MAP2: variants seen among roughly 807,000 people sequenced by gnomAD.
The protein encoded by MAP2 is microtubule-associated protein 2.
A neutral mutation model predicts 137.6 loss-of-function variants in MAP2; 14 were observed. That is an observed-to-expected ratio of 0.10 (90% CI 0.07 to 0.16). The LOEUF (loss-of-function observed/expected upper bound fraction) is 0.16, where lower values mean the gene tolerates loss of function less well. MAP2 is among the 10% of genes least tolerant of loss of function. The probability of loss-of-function intolerance (pLI) is 1.00; values close to 1 mark genes in which losing one functional copy is unlikely to be tolerated. For synonymous variants in MAP2, 786 were observed against 782.3 expected (o/e 1.00, Z -0.08); for missense variants, 2,088 against 2,191.5 (o/e 0.95, Z 0.94).
Position 209,693,177 on chromosome 2 carries a change from A to G in MAP2, c.1007A>G (p.Glu336Gly), listed in dbSNP as rs1354981061. ...GTCATGAAGAATGAAATAGTTACAG[A>G]AACATCGCCCTTTGCCCCTGCCTTT... The part of the protein sequence containing the change: ...LDVMKNEIVT[E>G]TSPFAPAFLQ... Residue 336 changes from glutamate (E) to glycine (G), a missense_variant, in exon 8 of 16, where the codon GAA (glutamate) becomes GGA (glycine). This residue lies in a region of MAP2 where 859 missense variants were observed against 794.5 expected (regional missense o/e 1.08). Transcript: ENST00000682079. 6 of 1,610,664 alleles carry G rather than the reference A, an allele frequency of 3.7e-6. No individual in the cohort carries two copies. The East Asian group carries it at 1.3e-4, about 36-fold the overall frequency.
chr2:209,648,671 C>G (rs2094570510), intron 4 of MAP2, among the ~76,000 whole-genome samples: 1 of 146,600 alleles, frequency 6.8e-6, no homozygotes, highest in Non-Finnish European at 1.5e-5. Flanking sequence ...CACCTGTAAT[C>G]CCAGCTACTC....
rs2061130012 is a variant in MAP2, at chr2:209,699,341, A to G, written c.4523-936A>G. On this transcript the variant is annotated intron_variant, in intron 10 of 15. Transcript: ENST00000682079. ...GAACTTATTCAGAGGGCTTATAAGG[A>G]TACATTTTTTTTCTGAGGGTTTCTA... Among the ~76,000 whole-genome samples the G allele has an allele frequency of 1.3e-5, 2 of 148,824 alleles. 1 individual carries two copies. The highest frequency in any genetic ancestry group is 4.3e-4 in the South Asian group (2 of 4,674).
At chr2:209,705,504 A>G in intron 11 of MAP2, 76 bp from the exon 12 acceptor site, 4 of 1,315,446 alleles carry the variant, frequency 3.0e-6, no homozygotes, top group Non-Finnish European at 4.1e-6. Context: ...CAGGAGGAAA[A>G]TAGCAAAATC....
chr2:209,649,611 A>C (rs1056585326), intron 4 of MAP2, among the ~76,000 whole-genome samples: 6 of 152,270 alleles, frequency 3.9e-5, no homozygotes, highest in Admixed American at 2.6e-4. Flanking sequence ...CAATCTTTTC[A>C]AGTTATATTT....
At chr2:209,649,923 C>A (rs1257685878) in intron 4 of MAP2, among the ~76,000 whole-genome samples, 1 of 152,140 alleles carries the variant, frequency 6.6e-6, no homozygotes, top group Non-Finnish European at 1.5e-5. Flanking sequence ...TTTAAAAATT[C>A]AAAACTCTAA....
At chr2:209,526,197 T>C (rs192372170) in intron 2 of MAP2, among the ~76,000 whole-genome samples, 45 of 152,250 alleles carry the variant, frequency 3.0e-4, no homozygotes, top group African/African-American at 1.1e-3. Flanking sequence ...ACTTTTTTCA[T>C]AAGTCCTATT....
chr2:209,498,523 C>G (rs183535485), intron 1 of MAP2, among the ~76,000 whole-genome samples: 4 of 152,360 alleles, frequency 2.6e-5, no homozygotes, highest in African/African-American at 7.2e-5. Context: ...CCTCTTGGCA[C>G]TACCCTAGTA....
intron 11 of MAP2, among the ~76,000 whole-genome samples, chr2:209,702,891 C>G: frequency 6.6e-6 from 1 of 152,156 alleles, no homozygotes; most frequent in East Asian, 1.9e-4. Flanking sequence ...TCAGTTTTAT[C>G]TGTCATTTCT....
chr2:209,620,346 T>A (rs2090761713), intron 3 of MAP2, among the ~76,000 whole-genome samples: 1 of 152,218 alleles, frequency 6.6e-6, no homozygotes, highest in Non-Finnish European at 1.5e-5. Flanking sequence ...TCTTACTGTC[T>A]ACCTTACCCA....
At chr2:209,565,536 T>A (rs2153359965) in intron 2 of MAP2, among the ~76,000 whole-genome samples, 1 of 152,276 alleles carries the variant, frequency 6.6e-6, no homozygotes, top group Non-Finnish European at 1.5e-5. Context: ...TATCTATACA[T>A]TACAGATTGA....
chr2:209,598,825 A>G (rs1162739034), intron 3 of MAP2, among the ~76,000 whole-genome samples: 1 of 150,122 alleles, frequency 6.7e-6, no homozygotes, highest in Non-Finnish European at 1.5e-5. Flanking sequence ...TATGTGCCAC[A>G]TTTTCTTAAT....
intron 4 of MAP2, among the ~76,000 whole-genome samples, chr2:209,635,891 A>G (rs1049133171): frequency 1.3e-5 from 2 of 152,142 alleles, no homozygotes; most frequent in Non-Finnish European, 2.9e-5. Flanking sequence ...TCCTACAAGC[A>G]TGTAAGCAAA....
intron 1 of MAP2, among the ~76,000 whole-genome samples, chr2:209,469,129 C>T (rs1030760181): frequency 5.3e-5 from 8 of 152,142 alleles, no homozygotes; most frequent in African/African-American, 1.9e-4. Flanking sequence ...GATTTATGAC[C>T]TGAGCTTATT....
intron 3 of MAP2, among the ~76,000 whole-genome samples, chr2:209,615,572 T>A (rs1416792225): frequency 1.3e-5 from 2 of 152,192 alleles, no homozygotes; most frequent in Non-Finnish European, 2.9e-5. Flanking sequence ...TCCAAACATA[T>A]AACTTTATGT....
At chr2:209,507,073 C>G (rs941554681) in intron 1 of MAP2, among the ~76,000 whole-genome samples, 3 of 152,016 alleles carry the variant, frequency 2.0e-5, no homozygotes, top group African/African-American at 7.2e-5. Context: ...TTTTATATTT[C>G]TGGGATCTCT....
chr2:209,539,677 C>G (rs2066554225), intron 2 of MAP2, among the ~76,000 whole-genome samples: 4 of 151,758 alleles, frequency 2.6e-5, no homozygotes, highest in Admixed American at 2.0e-4. Flanking sequence ...TTTACACTTA[C>G]TAGTAAATAT....
chr2:209,575,873 G>C (rs1000439783), intron 2 of MAP2, among the ~76,000 whole-genome samples: 4 of 152,120 alleles, frequency 2.6e-5, no homozygotes, highest in Admixed American at 1.3e-4. Flanking sequence ...AAAGTAAAAT[G>C]CAGCAGGGAA....
chr2:209,569,300 T>C (rs2074005358), intron 2 of MAP2, among the ~76,000 whole-genome samples: 1 of 151,590 alleles, frequency 6.6e-6, no homozygotes, highest in African/African-American at 2.4e-5. Flanking sequence ...ATATGAGCTT[T>C]AATGTTTTAA....
chr2:209,553,152 C>T (rs1180904025), intron 2 of MAP2, among the ~76,000 whole-genome samples: 1 of 151,756 alleles, frequency 6.6e-6, no homozygotes, highest in African/African-American at 2.4e-5. Flanking sequence ...GCTCGGACTA[C>T]AGGCACCCAC....
Sources: allele counts gnomAD v4.1 joint callset (sites outside exome capture counted in the v4.1 genomes callset), GRCh38; gene constraint gnomAD v4.1.1; regional missense constraint gnomAD v4.1.1; transcripts MANE v1.5; gene names NCBI Gene and HGNC (gene_info 2026-07-23, HGNC 2026-07-21).